Variants in SPATA16 observed in about 807,000 individuals in gnomAD.
SPATA16 encodes the protein spermatogenesis associated 16.
A neutral mutation model predicts 63.3 loss-of-function variants in SPATA16; 36 were observed. That is an observed-to-expected ratio of 0.57 (90% CI 0.44 to 0.75). SPATA16 has a LOEUF of 0.75. Ranked by LOEUF, SPATA16 falls within the 30% of genes least tolerant of loss-of-function variation. SPATA16 has a pLI of 0.00. For missense variants in SPATA16, 646 were observed against 679.3 expected, an observed-to-expected ratio of 0.95 and a Z score of 0.54; for synonymous variants, 203 against 216.7, an observed-to-expected ratio of 0.94 and a Z score of 0.56.
At position 172,977,012 on chromosome 3, in the gene SPATA16, C is replaced by T; in HGVS notation, c.889G>A (p.Gly297Arg). ...AGCTTGCTTATGCTCTCTTCCCTTC[C>T]TCCACCAAGCCAGAACATGTAGTCA... ...IADYMFWLGG[G>R]REESISKLIK... The change falls in exon 5 of 11, where the codon GGA becomes AGA. Residue 297 changes from glycine (G) to arginine (R), a missense_variant. Coordinates refer to ENST00000351008, the MANE Select transcript of SPATA16 (RefSeq NM_031955.6). 6.2e-7 allele frequency: 1 copy of T among 1,611,794 alleles called. No homozygotes were observed.
At chr3:172,942,524 T>C (rs1373811024) in intron 6 of SPATA16, among the ~76,000 whole-genome samples, 1 of 151,878 alleles carries the variant, frequency 6.6e-6, no homozygotes, top group Non-Finnish European at 1.5e-5. Context: ...AACAGGCACA[T>C]TGATGCTGAA....
intron 2 of SPATA16, among the ~76,000 whole-genome samples, chr3:173,099,600 G>A (rs1264464834): frequency 1.3e-5 from 2 of 151,956 alleles, no homozygotes; most frequent in African/African-American, 2.4e-5. Context: ...TGGAGAATAG[G>A]GATAGAAAGG....
chr3:172,918,523 G>C (rs983509846), intron 8 of SPATA16, among the ~76,000 whole-genome samples: 9 of 151,970 alleles, frequency 5.9e-5, no homozygotes, highest in Non-Finnish European at 1.0e-4. Flanking sequence ...TCAGGAAACT[G>C]TAGATTAATA....
At chr3:172,911,632 A>C (rs1396955674) in intron 10 of SPATA16, among the ~76,000 whole-genome samples, 1 of 152,134 alleles carries the variant, frequency 6.6e-6, no homozygotes, top group Non-Finnish European at 1.5e-5. Context: ...TCTTGGCCAA[A>C]AGCTGCTCCT....
intron 2 of SPATA16, among the ~76,000 whole-genome samples, chr3:173,101,529 A>C (rs982284825): frequency 6.6e-6 from 1 of 152,132 alleles, no homozygotes; most frequent in South Asian, 2.1e-4. Flanking sequence ...ACTGTTGCTA[A>C]CCCTGTCACC....
intron 1 of SPATA16, among the ~76,000 whole-genome samples, chr3:173,138,734 T>G (rs1738619849): frequency 6.6e-6 from 1 of 152,196 alleles, no homozygotes; most frequent in Non-Finnish European, 1.5e-5. Context: ...ACAGTGTGAA[T>G]TCAGCTTCAG....
chr3:173,049,924 A>G (rs768801040), intron 2 of SPATA16, among the ~76,000 whole-genome samples: 9 of 152,194 alleles, frequency 5.9e-5, no homozygotes, highest in East Asian at 1.9e-4. Flanking sequence ...AAGAAGTCCT[A>G]TCTATGTTTA....
At chr3:173,072,117 C>T (rs1250057962) in intron 2 of SPATA16, among the ~76,000 whole-genome samples, 1 of 151,978 alleles carries the variant, frequency 6.6e-6, no homozygotes, top group South Asian at 2.1e-4. Context: ...TGCATTCACA[C>T]ATCCATCCCT....
chr3:172,920,208 T>C (rs1002069260), intron 8 of SPATA16, among the ~76,000 whole-genome samples: 45 of 152,328 alleles, frequency 3.0e-4, no homozygotes, highest in African/African-American at 1.0e-3. Flanking sequence ...AGTTTCCTCA[T>C]TGGTAAAATG....
chr3:172,936,426 G>A (rs1732995080), intron 6 of SPATA16, among the ~76,000 whole-genome samples: 1 of 152,156 alleles, frequency 6.6e-6, no homozygotes. Context: ...TGAAAGCTCT[G>A]TGTACCCTCC....
chr3:173,088,032 T>C lies in SPATA16; in HGVS notation c.612+29088A>G, dbSNP rs1177697534. ...CGTCTTTCTTTCTTTCTTTCTTTCT[T>C]TCTTTCTTTCTTTCTTTCTTTCTTT... is the stretch of plus-strand genomic sequence containing the variant. On this transcript the variant is annotated intron_variant, in intron 2 of 10. Transcript: ENST00000351008. Among the ~76,000 whole-genome samples, 23 of 133,774 alleles carry C rather than the reference T, an allele frequency of 1.7e-4. 1 individual carries two copies. The highest frequency in any genetic ancestry group is 6.1e-4 in the African/African-American group (22 of 36,048). 87.8% of individuals were successfully genotyped at this position (133,774 alleles called of 152,430 possible).
At chr3:172,954,367 G>A (rs1289933090) in intron 6 of SPATA16, among the ~76,000 whole-genome samples, 1 of 152,142 alleles carries the variant, frequency 6.6e-6, no homozygotes, top group African/African-American at 2.4e-5. Context: ...CCACCCCCAT[G>A]ATTCAATTAT....
At chr3:172,943,391 A>G (rs9865331) in intron 6 of SPATA16, among the ~76,000 whole-genome samples, 13,325 of 152,226 alleles carry the variant, frequency 0.088, 1,950 homozygotes, top group African/African-American at 0.3. Flanking sequence ...CTTGTGTTGC[A>G]ATCCCAGCCA....
At chr3:172,925,558 C>T in intron 6 of SPATA16, 66 bp from the exon 7 acceptor site, 1 of 1,601,474 alleles carries the variant, frequency 6.2e-7, no homozygotes, top group Non-Finnish European at 8.5e-7. Flanking sequence ...GGGTTTTCCC[C>T]CCCAGATTTC....
intron 10 of SPATA16, among the ~76,000 whole-genome samples, chr3:172,904,407 T>C (rs1241632567): frequency 6.6e-6 from 1 of 152,212 alleles, no homozygotes; most frequent in Non-Finnish European, 1.5e-5. Context: ...GTCTGCCCCT[T>C]GATAAATTCT....
At chr3:172,993,326 A>G (rs1734623348) in intron 4 of SPATA16, among the ~76,000 whole-genome samples, 1 of 152,110 alleles carries the variant, frequency 6.6e-6, no homozygotes, top group South Asian at 2.1e-4. Context: ...CAAATTTGAA[A>G]CCTATTTTTA....
chr3:173,019,743 TAAAC>T (rs748510755), intron 3 of SPATA16, among the ~76,000 whole-genome samples, 168 bp from the exon 4 acceptor site: 2 of 152,098 alleles, frequency 1.3e-5, no homozygotes, highest in African/African-American at 2.4e-5. Context: ...TTAAGACAAA[TAAAC>T]AAGCATTATT....
Position 172,956,755 on chromosome 3 carries a change from T to C in SPATA16, c.1003A>G (p.Ile335Val), listed in dbSNP as rs1391452662. 2.5e-6 allele frequency: 4 copies of C among 1,613,330 alleles called. No individual in the cohort carries two copies. The highest frequency in any genetic ancestry group is 3.4e-6 in the Non-Finnish European group (4 of 1,179,628). ...ACTTTTTCTATTTTATCAGCTCTTA[T>C]TTTTGTCGCAAATGGTGTGTACATA... ...SVMYTPFATK[I>V]RADKIEKVKD... The change falls in exon 6 of 11, where the codon ATA becomes GTA. Residue 335 changes from isoleucine to valine, a missense_variant. Ile to Val is a conservative substitution (Grantham distance 29). Transcript: ENST00000351008.
At chr3:173,111,675 A>AGG (rs1737753035) in intron 2 of SPATA16, among the ~76,000 whole-genome samples, 1 of 152,214 alleles carries the variant, frequency 6.6e-6, no homozygotes, top group Non-Finnish European at 1.5e-5. Flanking sequence ...ATTATAGGTG[A>AGG]GGCTGCCCTA....
Sources: allele counts gnomAD v4.1 joint callset (sites outside exome capture counted in the v4.1 genomes callset), GRCh38; gene constraint gnomAD v4.1.1; transcripts MANE v1.5; gene names NCBI Gene and HGNC (gene_info 2026-07-23, HGNC 2026-07-21).